The following ASIP variants were observed in gnomAD, a reference collection of about 807,000 sequenced individuals.
ASIP encodes the protein agouti-signaling protein.
Under a neutral mutation model 10.3 loss-of-function variants are expected in ASIP, and 11 were observed. That is an observed-to-expected ratio of 1.07 (90% CI 0.68 to 1.78). The LOEUF (loss-of-function observed/expected upper bound fraction) is 1.78, where lower values mean the gene tolerates loss of function less well. Among genes scored for constraint, ASIP ranks in the 40% most tolerant of loss-of-function variants. The pLI is 0.00. For synonymous variants in ASIP, 70 were observed against 70.8 expected, an observed-to-expected ratio of 0.99 and a Z score of 0.06; for missense variants, 180 against 169.2, an observed-to-expected ratio of 1.06 and a Z score of -0.35.
chr20:34,199,320 T>C lies in ASIP; in HGVS notation c.-11+4560T>C, dbSNP rs981219691. On this transcript the variant is annotated intron_variant, in intron 1 of 3. Coordinates refer to the ASIP transcript ENST00000568305. ...GAATACTTTTTTTTTTTAAAGAACA[T>C]ATGAGTGCATTTCTATCTAGAAGTA... is the stretch of plus-strand genomic sequence containing the variant. Among the ~76,000 whole-genome samples the C allele has an allele frequency of 4.7e-4, 72 of 152,086 alleles. 1 individual carries two copies. Among genetic ancestry groups the C allele is most frequent in the Admixed American group, 4.2e-3 (64 of 15,262 alleles).
upstream of ASIP, among the ~76,000 whole-genome samples, chr20:34,239,443 C>T (rs2035255019): frequency 6.6e-6 from 1 of 152,190 alleles, no homozygotes; most frequent in African/African-American, 2.4e-5. Flanking sequence ...TCTCGAACTC[C>T]TGACCTCAGG....
At position 34,249,458 on chromosome 20, in the gene ASIP, C is replaced by T. The variant is rs116414543; in HGVS notation, c.-11+7969C>T. ...GTGTAATGTAATGTTTCCCCTAATC[C>T]GCAAACTTCTTCATAACCACTGTGT... On this transcript the variant is annotated intron_variant, in intron 1 of 3. Transcript: ENST00000374954. 2.0e-3 allele frequency among the ~76,000 whole-genome samples: 299 copies of T among 152,162 alleles called. 1 individual carries two copies. The highest frequency in any genetic ancestry group is 6.9e-3 in the African/African-American group (286 of 41,494).
intron 1 of ASIP, among the ~76,000 whole-genome samples, chr20:34,212,691 GA>G (rs1180296653): frequency 6.6e-5 from 10 of 151,890 alleles, no homozygotes; most frequent in East Asian, 3.9e-4. Flanking sequence ...CATTTTTGAG[GA>G]AAAAAAATTC....
upstream of ASIP, chr20:34,194,438 G>C (rs1233321965): frequency 6.7e-6 from 1 of 150,372 alleles, no homozygotes; most frequent in African/African-American, 2.5e-5. Flanking sequence ...TGAATCCCTT[G>C]TGATTATTTA....
At chr20:34,215,089 C>A in intron 1 of ASIP, 2 of 1,565,138 alleles carry the variant, frequency 1.3e-6, no homozygotes, top group South Asian at 2.2e-5. Flanking sequence ...TAATACTTGA[C>A]ACAAAGATTC....
intron 3 of ASIP, 96 bp from the exon 4 acceptor site, chr20:34,268,895 T>C (rs1395186474): frequency 1.7e-5 from 25 of 1,463,358 alleles, no homozygotes; most frequent in Non-Finnish European, 2.2e-5. Flanking sequence ...AAACCTCTGG[T>C]CCGGGATCTC....
chr20:34,268,713 G>A (rs1423361043), intron 3 of ASIP, among the ~76,000 whole-genome samples: 1 of 151,582 alleles, frequency 6.6e-6, no homozygotes, highest in African/African-American at 2.4e-5. Context: ...CAGCCTGGCT[G>A]ACAGAGTGAA....
chr20:34,245,635 C>T (rs1325088022), intron 1 of ASIP, among the ~76,000 whole-genome samples: 5 of 151,858 alleles, frequency 3.3e-5, no homozygotes, highest in African/African-American at 9.7e-5. Context: ...ATGATCCACC[C>T]GCCTTGGCCT....
At chr20:34,189,253 T>A in the ASIP span, among the ~76,000 whole-genome samples, 1 of 151,816 alleles carries the variant, frequency 6.6e-6, no homozygotes, top group African/African-American at 2.4e-5. Flanking sequence ...TTTGTTTTCT[T>A]TTTTTTGAGA....
intron 3 of ASIP, among the ~76,000 whole-genome samples, chr20:34,267,388 G>A (rs1371544161): frequency 6.8e-6 from 1 of 146,654 alleles, no homozygotes; most frequent in Non-Finnish European, 1.5e-5. Flanking sequence ...AATACAATGT[G>A]AGGCCAGGCG....
At chr20:34,218,076 T>G (rs937579804) in intron 1 of ASIP, among the ~76,000 whole-genome samples, 1 of 152,254 alleles carries the variant, frequency 6.6e-6, no homozygotes, top group African/African-American at 2.4e-5. Context: ...CATTTGTAAT[T>G]GTTCTCAGCA....
At chr20:34,236,479 C>T (rs943297837), upstream of ASIP, among the ~76,000 whole-genome samples, 30 of 151,838 alleles carry the variant, frequency 2.0e-4, no homozygotes, top group African/African-American at 7.0e-4. Context: ...AGGAGGTGGA[C>T]GTTGCAGTGA....
chr20:34,252,347 G>C (rs2035491079), intron 1 of ASIP, among the ~76,000 whole-genome samples: 1 of 152,198 alleles, frequency 6.6e-6, no homozygotes, highest in African/African-American at 2.4e-5. Flanking sequence ...CAGGTGGGGA[G>C]AAGGTCAGCA....
At chr20:34,241,525 A>G in intron 1 of ASIP, 36 bp downstream of exon 1, 3 of 985,430 alleles carry the variant, frequency 3.0e-6, no homozygotes, top group Non-Finnish European at 3.6e-6. Flanking sequence ...TGCTTTCAGG[A>G]GTGAAGCTGC....
At chr20:34,258,694 T>TATATATATATATATATATATAC (rs2035621922) in intron 1 of ASIP, among the ~76,000 whole-genome samples, 1 of 37,094 alleles carries the variant, frequency 2.7e-5, no homozygotes, top group African/African-American at 2.1e-4. Context: ...TATATATACA[T>TATATATATATATATATATATAC]ACTATATATA....
At chr20:34,205,463 G>A (rs576075537) in intron 1 of ASIP, among the ~76,000 whole-genome samples, 2 of 151,610 alleles carry the variant, frequency 1.3e-5, no homozygotes, top group South Asian at 2.1e-4. Flanking sequence ...AGACCTTCTC[G>A]GTGAGTGTTA....
intron 1 of ASIP, among the ~76,000 whole-genome samples, chr20:34,201,809 A>G (rs1385286503): frequency 6.6e-6 from 1 of 152,224 alleles, no homozygotes; most frequent in African/African-American, 2.4e-5. Flanking sequence ...TGCATTCAAC[A>G]TACTCAGTGT....
At chr20:34,215,306 A>G (rs1290043857) in intron 1 of ASIP, 12 of 1,542,550 alleles carry the variant, frequency 7.8e-6, no homozygotes, top group Middle Eastern at 1.7e-4. Context: ...GAATTAGTAT[A>G]CTGATAATTT....
At chr20:34,243,010 A>G (rs1484844276) in intron 1 of ASIP, among the ~76,000 whole-genome samples, 1 of 152,264 alleles carries the variant, frequency 6.6e-6, no homozygotes, top group African/African-American at 2.4e-5. Flanking sequence ...CCTAAAGGGA[A>G]TGATGTCAGG....
Sources: allele counts gnomAD v4.1 joint callset (sites outside exome capture counted in the v4.1 genomes callset), GRCh38; gene constraint gnomAD v4.1.1; transcripts MANE v1.5; gene names NCBI Gene and HGNC (gene_info 2026-07-23, HGNC 2026-07-21).